Variants in RARB observed in about 807,000 individuals in gnomAD.
RARB encodes retinoic acid receptor beta.
RARB carries 17 observed loss-of-function variants against 51.9 expected under a neutral mutation model. That is an observed-to-expected ratio of 0.33 (90% CI 0.22 to 0.49). The LOEUF (loss-of-function observed/expected upper bound fraction) is 0.49. Ranked by LOEUF, RARB falls within the 20% of genes least tolerant of loss-of-function variation. The pLI is 0.99. For synonymous variants in RARB, 215 were observed against 195.4 expected (o/e 1.10, Z -0.84); for missense variants, 369 against 550.8 (o/e 0.67, Z 3.30).
At chr3:24,954,513 T>G (rs1695967134) in intron 2 of RARB, among the ~76,000 whole-genome samples, 1 of 152,166 alleles carries the variant, frequency 6.6e-6, no homozygotes, top group African/African-American at 2.4e-5. Flanking sequence ...ATCTTACAGA[T>G]TTAAAAGTTG....
intron 5 of RARB, among the ~76,000 whole-genome samples, chr3:25,214,931 A>G (rs537893066): frequency 6.6e-6 from 1 of 152,326 alleles, no homozygotes; most frequent in East Asian, 1.9e-4. Context: ...GCTATTTTTG[A>G]GGGTGCATGT....
At chr3:25,088,049 G>C (rs936705372) in intron 3 of RARB, among the ~76,000 whole-genome samples, 1 of 151,940 alleles carries the variant, frequency 6.6e-6, no homozygotes, top group African/African-American at 2.4e-5. Context: ...CAGCAGTTTT[G>C]CTAGCAAAGA....
At chr3:25,537,288 T>C (rs74856311) in intron 3 of RARB, among the ~76,000 whole-genome samples, 396 of 152,360 alleles carry the variant, frequency 2.6e-3, no homozygotes, top group African/African-American at 9.3e-3. Flanking sequence ...CATGCCAAGC[T>C]AATTGAGTAA....
intron 5 of RARB, among the ~76,000 whole-genome samples, chr3:25,303,861 G>T (rs2125429064): frequency 6.6e-6 from 1 of 152,242 alleles, no homozygotes; most frequent in East Asian, 1.9e-4. Flanking sequence ...GCAGAGTCCA[G>T]GGTTCAAAGA....
At chr3:25,304,653 C>T (rs1037448249) in intron 5 of RARB, among the ~76,000 whole-genome samples, 14 of 152,296 alleles carry the variant, frequency 9.2e-5, no homozygotes, top group African/African-American at 2.2e-4. Flanking sequence ...ACCACTACCG[C>T]GCTAGTCCAC....
At chr3:25,236,224 T>C (rs1702298214) in intron 5 of RARB, among the ~76,000 whole-genome samples, 1 of 152,188 alleles carries the variant, frequency 6.6e-6, no homozygotes, top group Non-Finnish European at 1.5e-5. Context: ...CCAAGAACAA[T>C]GCTAATTGCA....
chr3:24,901,116 G>A (rs1364391399), intron 2 of RARB, among the ~76,000 whole-genome samples: 1 of 152,134 alleles, frequency 6.6e-6, no homozygotes, highest in African/African-American at 2.4e-5. Context: ...AAAAAGCTTG[G>A]AGTAAATTGA....
intron 2 of RARB, among the ~76,000 whole-genome samples, chr3:25,015,379 A>G (rs1395513493): frequency 6.6e-6 from 1 of 152,182 alleles, no homozygotes; most frequent in South Asian, 2.1e-4. Context: ...CAAGAAATGA[A>G]TATTTCATTG....
At chr3:25,471,471 T>C (rs1435067787) in intron 2 of RARB, among the ~76,000 whole-genome samples, 2 of 151,980 alleles carry the variant, frequency 1.3e-5, no homozygotes, top group African/African-American at 4.8e-5. Flanking sequence ...TTCTAACAAA[T>C]TGAGAACTGA....
intron 5 of RARB, among the ~76,000 whole-genome samples, chr3:25,396,904 G>GTA (rs1707131082): frequency 1.3e-5 from 2 of 152,246 alleles, no homozygotes; most frequent in South Asian, 2.1e-4. Flanking sequence ...AGCACCCAGT[G>GTA]TATATCTAGG....
At chr3:25,315,200 T>C (rs1704392067) in intron 5 of RARB, among the ~76,000 whole-genome samples, 1 of 151,638 alleles carries the variant, frequency 6.6e-6, no homozygotes, top group Non-Finnish European at 1.5e-5. Context: ...CTTCACACAA[T>C]GCAAAAAAAA....
chr3:24,871,305 CAT>C (rs1702943418), intron 2 of RARB, among the ~76,000 whole-genome samples: 1 of 152,092 alleles, frequency 6.6e-6, no homozygotes, highest in Non-Finnish European at 1.5e-5. Context: ...ATTGAGACGA[CAT>C]AGTTTTAAAA....
chr3:25,130,937 A>T (rs12494434), intron 3 of RARB, among the ~76,000 whole-genome samples: 20 of 64,140 alleles, frequency 3.1e-4, no homozygotes, highest in Admixed American at 2.1e-4. Context: ...ATCATTGATA[A>T]TATCAATATT....
chr3:25,242,038 T>C (rs897452911), intron 5 of RARB, among the ~76,000 whole-genome samples: 4 of 152,260 alleles, frequency 2.6e-5, no homozygotes, highest in Non-Finnish European at 4.4e-5. Flanking sequence ...ATTGTGGTTT[T>C]GATTTGCATT....
At chr3:25,187,193 C>G (rs1022111729) in intron 5 of RARB, among the ~76,000 whole-genome samples, 3 of 152,080 alleles carry the variant, frequency 2.0e-5, no homozygotes, top group Non-Finnish European at 2.9e-5. Flanking sequence ...CCTCTTACCT[C>G]TGCTTTTTTC....
At chr3:25,108,993 G>T (rs758202980) in intron 3 of RARB, among the ~76,000 whole-genome samples, 3 of 152,114 alleles carry the variant, frequency 2.0e-5, no homozygotes, top group Non-Finnish European at 4.4e-5. Context: ...ATTCAGACCA[G>T]ATTGTATCCC....
At chr3:25,260,057 T>C (rs997720669) in intron 5 of RARB, 1 of 938,840 alleles carries the variant, frequency 1.1e-6, no homozygotes, top group Non-Finnish European at 1.3e-6. Flanking sequence ...AGTTCGTGTG[T>C]GGCTGGTTTT....
chr3:25,383,641 T>C (rs910693958), intron 5 of RARB, among the ~76,000 whole-genome samples: 3 of 152,328 alleles, frequency 2.0e-5, no homozygotes, highest in East Asian at 1.9e-4. Context: ...ATTAAGTTTT[T>C]AATTGGCTGG....
At chr3:25,274,377 C>T (rs1703329291) in intron 5 of RARB, among the ~76,000 whole-genome samples, 1 of 152,156 alleles carries the variant, frequency 6.6e-6, no homozygotes, top group African/African-American at 2.4e-5. Flanking sequence ...GGTGCCCTTC[C>T]AGTCCCTTCA....
Sources: gnomAD v4.1 joint callset for allele counts (sites outside exome capture counted in the v4.1 genomes callset) on GRCh38, gnomAD v4.1.1 for gene constraint, MANE v1.5 for transcripts, NCBI Gene and HGNC (gene_info 2026-07-23, HGNC 2026-07-21) for gene names.